Variants in CAB39 observed in about 807,000 individuals in gnomAD.
CAB39 encodes calcium-binding protein 39.
CAB39 carries 8 observed loss-of-function variants against 40.0 expected under a neutral mutation model. The ratio of observed to expected loss-of-function variants is 0.20; its 90% CI spans 0.12 to 0.36. The LOEUF (loss-of-function observed/expected upper bound fraction) is 0.36, where lower values mean the gene tolerates loss of function less well. Ranked by LOEUF, CAB39 falls within the 10% of genes least tolerant of loss-of-function variation. The pLI, the probability that CAB39 is intolerant of heterozygous loss-of-function variation, is 1.00. For missense variants in CAB39, 270 were observed against 401.1 expected, an observed-to-expected ratio of 0.67 and a Z score of 2.79; for synonymous variants, 156 against 141.6, an observed-to-expected ratio of 1.10 and a Z score of -0.72.
At chr2:230,781,757 AATGC>A (rs979174895) in intron 2 of CAB39, among the ~76,000 whole-genome samples, 2 of 152,224 alleles carry the variant, frequency 1.3e-5, no homozygotes, top group African/African-American at 4.8e-5. Flanking sequence ...ATATTGACAC[AATGC>A]CTGCAGGCCA....
intron 2 of CAB39, among the ~76,000 whole-genome samples, chr2:230,773,926 T>C (rs1048729357): frequency 7.9e-5 from 12 of 152,152 alleles, no homozygotes; most frequent in Non-Finnish European, 1.6e-4. Context: ...ATGGACTAGG[T>C]GACCACTTAG....
chr2:230,811,926 T>G (rs1696312582), intron 6 of CAB39, among the ~76,000 whole-genome samples: 1 of 152,190 alleles, frequency 6.6e-6, no homozygotes, highest in Non-Finnish European at 1.5e-5. Flanking sequence ...ATGACATCAG[T>G]TAACAGGATT....
At chr2:230,760,204 G>A in intron 2 of CAB39, 89 bp downstream of exon 2, 2 of 692,080 alleles carry the variant, frequency 2.9e-6, no homozygotes, top group South Asian at 4.3e-5. Flanking sequence ...CCCAATTTGG[G>A]TTTATTTTGG....
intron 1 of CAB39, among the ~76,000 whole-genome samples, chr2:230,714,556 G>T (rs1350608987): frequency 2.6e-5 from 4 of 152,172 alleles, no homozygotes; most frequent in Non-Finnish European, 4.4e-5. Flanking sequence ...CTTGCACTTT[G>T]TATTAGGCGT....
chr2:230,737,303 A>G (rs1694803429), intron 1 of CAB39, among the ~76,000 whole-genome samples: 1 of 152,206 alleles, frequency 6.6e-6, no homozygotes, highest in Non-Finnish European at 1.5e-5. Flanking sequence ...GGCTACTGTC[A>G]TTTTAGTTTG....
rs772976802 is a variant in CAB39, at chr2:230,723,025, ATACTT to A, written c.-44+9798_-44+9802del. Among the ~76,000 whole-genome samples the A allele has an allele frequency of 4.1e-4, 62 of 152,232 alleles. 1 individual carries two copies. The highest frequency in any genetic ancestry group is 2.8e-4 in the Non-Finnish European group (19 of 68,056). On this transcript the variant is annotated intron_variant, in intron 1 of 8. Transcript: ENST00000258418. Reference sequence around the variant, plus strand: ...ATTTTCAATTTTGTTAAAAGAATGAATACTTTAGCAGCTTTTCAAGCCTTTTTTAA... The same window carrying A: ...ATTTTCAATTTTGTTAAAAGAATGAATAGCAGCTTTTCAAGCCTTTTTTAA...
rs577230274 is a variant in CAB39 at position 230,743,218 on chromosome 2, C to T, written c.-43-16741C>T. Among the ~76,000 whole-genome samples the T allele has an allele frequency of 2.0e-3, 302 of 152,288 alleles. 1 individual carries two copies. Among genetic ancestry groups the T allele is most frequent in the African/African-American group, 6.7e-3 (278 of 41,544 alleles). ...GAGTTGCAGTTTCTTTCCCTTCACTCACTCTATATGACTTCCACAGACAAC... is the reference window on the plus strand; with the variant it reads ...GAGTTGCAGTTTCTTTCCCTTCACTTACTCTATATGACTTCCACAGACAAC... On this transcript the variant is annotated intron_variant, in intron 1 of 8. Transcript: ENST00000258418.
chr2:230,768,671 A>G (rs563491284), intron 2 of CAB39, among the ~76,000 whole-genome samples: 2 of 152,204 alleles, frequency 1.3e-5, no homozygotes, highest in African/African-American at 2.4e-5. Context: ...AAACGGGTCA[A>G]TTAGGTGGAG....
At chr2:230,801,214 A>T (rs1294710368) in intron 5 of CAB39, among the ~76,000 whole-genome samples, 6 of 152,210 alleles carry the variant, frequency 3.9e-5, no homozygotes, top group African/African-American at 1.4e-4. Flanking sequence ...AAGAGAGGAC[A>T]GACCTCCCAT....
intron 1 of CAB39, among the ~76,000 whole-genome samples, chr2:230,752,422 G>T (rs1226240667): frequency 2.0e-5 from 3 of 152,126 alleles, no homozygotes; most frequent in Admixed American, 1.3e-4. Flanking sequence ...CCCAGATCAG[G>T]TGCTGGCATT....
At chr2:230,747,693 A>G (rs1204150061) in intron 1 of CAB39, among the ~76,000 whole-genome samples, 1 of 152,264 alleles carries the variant, frequency 6.6e-6, no homozygotes, top group African/African-American at 2.4e-5. Context: ...GATTTGAGAC[A>G]TACCAGTTCT....
At chr2:230,754,067 C>T (rs1164054276) in intron 1 of CAB39, among the ~76,000 whole-genome samples, 4 of 152,142 alleles carry the variant, frequency 2.6e-5, no homozygotes, top group African/African-American at 9.7e-5. Context: ...GTGTCTGGAC[C>T]TCTAGGATCA....
At chr2:230,777,074 C>T (rs187803462) in intron 2 of CAB39, among the ~76,000 whole-genome samples, 19 of 152,126 alleles carry the variant, frequency 1.2e-4, no homozygotes, top group Middle Eastern at 3.4e-3. Context: ...TGAGTGTGTG[C>T]GAGAAAGATC....
At chr2:230,762,544 A>C (rs1695313723) in intron 2 of CAB39, among the ~76,000 whole-genome samples, 1 of 152,138 alleles carries the variant, frequency 6.6e-6, no homozygotes, top group Admixed American at 6.6e-5. Context: ...GAGAGAGCAG[A>C]CCCCACAGAG....
At chr2:230,777,238 A>G (rs1334773742) in intron 2 of CAB39, among the ~76,000 whole-genome samples, 1 of 152,164 alleles carries the variant, frequency 6.6e-6, no homozygotes, top group Non-Finnish European at 1.5e-5. Context: ...ACCACGTGAA[A>G]TGACTACTGT....
chr2:230,816,332 G>A (rs1445482284), intron 7 of CAB39, among the ~76,000 whole-genome samples: 2 of 152,216 alleles, frequency 1.3e-5, no homozygotes, highest in South Asian at 2.1e-4. Flanking sequence ...TTTGGTTTCT[G>A]TGATAGAAAA....
At chr2:230,816,785 T>C (rs1007278960) in intron 7 of CAB39, among the ~76,000 whole-genome samples, 1 of 152,308 alleles carries the variant, frequency 6.6e-6, no homozygotes, top group Admixed American at 6.5e-5. Context: ...TGTTCCATTA[T>C]ACAGATGATG....
chr2:230,753,110 AAAAT>A (rs752411373), intron 1 of CAB39, among the ~76,000 whole-genome samples: 5 of 152,182 alleles, frequency 3.3e-5, no homozygotes, highest in African/African-American at 9.7e-5. Context: ...TGCAGAAAGG[AAAAT>A]AAATAAATAA....
At chr2:230,728,822 A>G (rs1461051184) in intron 1 of CAB39, among the ~76,000 whole-genome samples, 3 of 152,116 alleles carry the variant, frequency 2.0e-5, no homozygotes, top group Non-Finnish European at 4.4e-5. Flanking sequence ...TTTGTTTCCT[A>G]GATTGGTCTC....
Sources: allele counts gnomAD v4.1 joint callset (sites outside exome capture counted in the v4.1 genomes callset), GRCh38; gene constraint gnomAD v4.1.1; transcripts MANE v1.5; gene names NCBI Gene and HGNC (gene_info 2026-07-23, HGNC 2026-07-21).